Variants in NKAIN2 observed in about 807,000 individuals in gnomAD.
NKAIN2 encodes sodium/potassium-transporting ATPase subunit beta-1-interacting protein 2.
In NKAIN2, 14 loss-of-function variants were observed where a neutral mutation model predicts 32.6. The observed-to-expected ratio is 0.43, with a 90% CI of 0.28 to 0.67. The LOEUF (loss-of-function observed/expected upper bound fraction) is 0.67. Ranked by LOEUF, NKAIN2 falls within the 30% of genes least tolerant of loss-of-function variation. The pLI is 0.17. For synonymous variants in NKAIN2, 80 were observed against 87.2 expected, an observed-to-expected ratio of 0.92 and a Z score of 0.46; for missense variants, 198 against 258.3, an observed-to-expected ratio of 0.77 and a Z score of 1.60.
intron 2 of NKAIN2, among the ~76,000 whole-genome samples, chr6:124,352,035 C>A (rs1798757829): frequency 6.6e-6 from 1 of 152,128 alleles, no homozygotes; most frequent in East Asian, 1.9e-4. Context: ...TTGATCATTC[C>A]ATTCCCATAC....
At chr6:124,522,875 G>T (rs1043606923) in intron 3 of NKAIN2, among the ~76,000 whole-genome samples, 2 of 151,918 alleles carry the variant, frequency 1.3e-5, no homozygotes, top group Non-Finnish European at 2.9e-5. Context: ...CGGGCGCGGT[G>T]GCTCACGCCT....
intron 3 of NKAIN2, among the ~76,000 whole-genome samples, chr6:124,644,936 T>C (rs1393905298): frequency 6.6e-6 from 1 of 152,210 alleles, no homozygotes; most frequent in Non-Finnish European, 1.5e-5. Context: ...AAACATTGAA[T>C]ATGTGCACAT....
chr6:124,812,082 G>A (rs770515803), intron 5 of NKAIN2, among the ~76,000 whole-genome samples: 19 of 152,226 alleles, frequency 1.2e-4, no homozygotes, highest in Non-Finnish European at 2.1e-4. Flanking sequence ...ATGAATGACC[G>A]TCTCACTGGA....
chr6:124,068,794 T>A (rs1252027604), intron 1 of NKAIN2, among the ~76,000 whole-genome samples: 4 of 151,506 alleles, frequency 2.6e-5, no homozygotes, highest in Non-Finnish European at 5.9e-5. Flanking sequence ...AACTACACCA[T>A]ATGTCTTTTG....
intron 4 of NKAIN2, among the ~76,000 whole-genome samples, chr6:124,732,559 G>A (rs1776735208): frequency 6.6e-6 from 1 of 152,052 alleles, no homozygotes; most frequent in Admixed American, 6.6e-5. Context: ...TATAGAGAGT[G>A]AGATTCAATA....
At chr6:123,994,704 G>T (rs7743182) in intron 1 of NKAIN2, among the ~76,000 whole-genome samples, 70,164 of 151,918 alleles carry the variant, frequency 0.46, 17,075 homozygotes, top group East Asian at 0.61. Context: ...AAACAGCAAG[G>T]TTTTTTTAAT....
chr6:123,914,868 T>C (rs1775410170), intron 1 of NKAIN2, among the ~76,000 whole-genome samples: 1 of 152,162 alleles, frequency 6.6e-6, no homozygotes, highest in African/African-American at 2.4e-5. Context: ...AGAAAGAACT[T>C]GATCATGCTT....
chr6:123,819,818 A>G (rs2114884756), intron 1 of NKAIN2, among the ~76,000 whole-genome samples: 1 of 152,346 alleles, frequency 6.6e-6, no homozygotes, highest in African/African-American at 2.4e-5. Flanking sequence ...GCAAAGCTGG[A>G]AAGCATGACC....
At chr6:124,791,718 CT>C (rs1779756260) in intron 5 of NKAIN2, among the ~76,000 whole-genome samples, 1 of 152,112 alleles carries the variant, frequency 6.6e-6, no homozygotes, top group African/African-American at 2.4e-5. Context: ...ATGTGGCTAA[CT>C]TGACCATTCT....
At chr6:124,670,645 C>CTGTGTGTGTGTGTGTGTGTG (rs57300688) in intron 4 of NKAIN2, among the ~76,000 whole-genome samples, 12 of 123,914 alleles carry the variant, frequency 9.7e-5, no homozygotes, top group East Asian at 2.9e-4. Context: ...TCTTTGCTTT[C>CTGTGTGTGTGTGTGTGTGTG]TGTGTGTGTG....
At chr6:124,187,235 C>T (rs576593820) in intron 1 of NKAIN2, among the ~76,000 whole-genome samples, 54 of 152,292 alleles carry the variant, frequency 3.5e-4, no homozygotes, top group African/African-American at 1.3e-3. Flanking sequence ...TTAGAGATGA[C>T]TTCATAACCT....
chr6:124,666,821 G>A (rs1276774828), intron 4 of NKAIN2, among the ~76,000 whole-genome samples: 1 of 151,986 alleles, frequency 6.6e-6, no homozygotes, highest in African/African-American at 2.4e-5. Context: ...TTCACAGTCT[G>A]GGAGCAAGAA....
intron 1 of NKAIN2, among the ~76,000 whole-genome samples, chr6:124,108,743 C>A (rs970522314): frequency 5.3e-5 from 8 of 151,928 alleles, no homozygotes; most frequent in African/African-American, 1.9e-4. Context: ...GGTTTAATTT[C>A]AATCTTTTGC....
At chr6:124,585,486 G>A (rs1781681131) in intron 3 of NKAIN2, among the ~76,000 whole-genome samples, 1 of 152,126 alleles carries the variant, frequency 6.6e-6, no homozygotes, top group Non-Finnish European at 1.5e-5. Context: ...CAACATTGAG[G>A]TGATGGATTT....
chr6:124,137,024 GAGAA>G (rs1786833568), intron 1 of NKAIN2, among the ~76,000 whole-genome samples: 1 of 152,010 alleles, frequency 6.6e-6, no homozygotes, highest in Non-Finnish European at 1.5e-5. Context: ...AATCAGACAA[GAGAA>G]AGAAACAAAG....
At chr6:124,747,374 G>A (rs1230654286) in intron 4 of NKAIN2, among the ~76,000 whole-genome samples, 16 of 151,868 alleles carry the variant, frequency 1.1e-4, no homozygotes, top group Non-Finnish European at 2.1e-4. Context: ...TGATTTGGGG[G>A]ATTCCTCTAG....
intron 1 of NKAIN2, among the ~76,000 whole-genome samples, chr6:123,880,311 G>A (rs1773390340): frequency 6.6e-6 from 1 of 152,204 alleles, no homozygotes. Flanking sequence ...AGTGAGCCCT[G>A]CTGCTGATAG....
intron 3 of NKAIN2, among the ~76,000 whole-genome samples, chr6:124,484,235 T>C (rs1488337162): frequency 2.9e-4 from 44 of 152,230 alleles, no homozygotes; most frequent in Admixed American, 2.9e-3. Context: ...TTCAGGAACA[T>C]TCTGGATATC....
rs191218087 is a variant in NKAIN2, at chr6:124,042,835, A to G, written c.54+238581A>G. The stretch of plus-strand genomic sequence containing the variant: ...GTGTCCCAGTGAAAGCTAGAAAATG[A>G]TTTTTGTATTTACGTTCATGTAAAT... On this transcript the variant is annotated intron_variant, in intron 1 of 6. Coordinates refer to ENST00000368417, the MANE Select transcript of NKAIN2 (RefSeq NM_001040214.3). 9.2e-5 allele frequency among the ~76,000 whole-genome samples: 14 copies of G among 152,198 alleles called. No homozygotes were observed. In the East Asian group the frequency reaches 2.7e-3, roughly 30 times the overall value.
Sources: allele counts gnomAD v4.1 joint callset (sites outside exome capture counted in the v4.1 genomes callset), GRCh38; gene constraint gnomAD v4.1.1; transcripts MANE v1.5; gene names NCBI Gene and HGNC (gene_info 2026-07-23, HGNC 2026-07-21).